The following ADAMTS12 variants were observed in gnomAD, a reference collection of about 807,000 sequenced individuals.
ADAMTS12 encodes the protein ADAM metallopeptidase with thrombospondin type 1 motif 12.
Under a neutral mutation model 167.8 loss-of-function variants are expected in ADAMTS12, and 118 were observed. The ratio of observed to expected loss-of-function variants is 0.70; its 90% CI spans 0.61 to 0.82. ADAMTS12 has a LOEUF of 0.82. Ranked by LOEUF, ADAMTS12 falls within the 40% of genes least tolerant of loss-of-function variation. ADAMTS12 has a pLI of 0.00. For synonymous variants in ADAMTS12, 704 were observed against 716.9 expected (o/e 0.98, Z 0.29); for missense variants, 1,916 against 1,998.8 (o/e 0.96, Z 0.79).
intron 2 of ADAMTS12, among the ~76,000 whole-genome samples, chr5:33,756,154 G>A (rs1428090022): frequency 1.3e-5 from 2 of 152,210 alleles, no homozygotes; most frequent in African/African-American, 4.8e-5. Flanking sequence ...GAACAGCAAA[G>A]CCCAGGGTAA....
chr5:33,633,812 T>C (rs948416917), intron 12 of ADAMTS12, among the ~76,000 whole-genome samples: 3 of 152,184 alleles, frequency 2.0e-5, no homozygotes, highest in African/African-American at 7.2e-5. Flanking sequence ...CCATCATCTC[T>C]ACAGAGTTGA....
intron 2 of ADAMTS12, among the ~76,000 whole-genome samples, chr5:33,808,150 G>C (rs929019502): frequency 6.6e-6 from 1 of 152,156 alleles, no homozygotes; most frequent in African/African-American, 2.4e-5. Context: ...ACTTCTCTTC[G>C]GTGTAGTCAG....
chr5:33,686,755 ACC>A (rs781003276), intron 3 of ADAMTS12, among the ~76,000 whole-genome samples: 25 of 148,618 alleles, frequency 1.7e-4, no homozygotes, highest in African/African-American at 2.2e-4. Context: ...AGATATATAC[ACC>A]TCTCTCTCTA....
At chr5:33,680,095 G>C (rs572037253) in intron 5 of ADAMTS12, among the ~76,000 whole-genome samples, 2 of 152,222 alleles carry the variant, frequency 1.3e-5, no homozygotes, top group Admixed American at 6.5e-5. Flanking sequence ...TGTGAACTCT[G>C]TGCCAATTAG....
intron 16 of ADAMTS12, among the ~76,000 whole-genome samples, chr5:33,602,171 A>G (rs553534068): frequency 9.4e-4 from 143 of 152,314 alleles, no homozygotes; most frequent in African/African-American, 3.3e-3. Flanking sequence ...ATTAAAGAAC[A>G]AAACTAAGGC....
At chr5:33,694,939 G>T (rs1742701211) in intron 3 of ADAMTS12, among the ~76,000 whole-genome samples, 1 of 152,092 alleles carries the variant, frequency 6.6e-6, no homozygotes, top group South Asian at 2.1e-4. Context: ...ACTTCATTGT[G>T]ACTCACATAT....
chr5:33,852,738 C>A (rs920644152), intron 2 of ADAMTS12, among the ~76,000 whole-genome samples: 2 of 152,064 alleles, frequency 1.3e-5, no homozygotes, highest in African/African-American at 4.8e-5. Flanking sequence ...ATAAGCAAAT[C>A]CAGCAACATA....
chr5:33,555,748 C>A (rs920826548), intron 20 of ADAMTS12, among the ~76,000 whole-genome samples: 1 of 152,150 alleles, frequency 6.6e-6, no homozygotes, highest in Non-Finnish European at 1.5e-5. Flanking sequence ...ATACTCTAAG[C>A]CCTAGTTTCC....
At chr5:33,887,004 A>T (rs1324570814) in intron 1 of ADAMTS12, among the ~76,000 whole-genome samples, 1 of 152,086 alleles carries the variant, frequency 6.6e-6, no homozygotes, top group African/African-American at 2.4e-5. Flanking sequence ...CACTGTGGAC[A>T]TAAACATGTG....
intron 6 of ADAMTS12, among the ~76,000 whole-genome samples, chr5:33,660,815 A>G (rs1741231445): frequency 6.6e-6 from 1 of 152,244 alleles, no homozygotes; most frequent in African/African-American, 2.4e-5. Flanking sequence ...GCTTATGTCA[A>G]AAACTTCCTG....
At chr5:33,738,542 A>C (rs1744447190) in intron 3 of ADAMTS12, among the ~76,000 whole-genome samples, 1 of 152,052 alleles carries the variant, frequency 6.6e-6, no homozygotes. Flanking sequence ...CTCTCATGTC[A>C]TGGGTCACCT....
chr5:33,624,156 T>C, intron 14 of ADAMTS12, 75 bp downstream of exon 14: 1 of 1,590,044 alleles, frequency 6.3e-7, no homozygotes, highest in Non-Finnish European at 8.6e-7. Context: ...AAACAAAAAC[T>C]AGGAACCAAT....
Position 33,576,752 on chromosome 5 carries a change from G to A in ADAMTS12, c.3274C>T (p.Leu1092Phe), listed in dbSNP as rs759491941. ...TGAATGCTCAAGGATTGGGAAGTGAGGATGGGCTGGGAAGTGCTTCCAGTG... is the reference window on the plus strand; with the variant it reads ...TGAATGCTCAAGGATTGGGAAGTGAAGATGGGCTGGGAAGTGCTTCCAGTG... ...ISTGSTSQPI[L>F]TSQSLSIQPS... The change falls in exon 19 of 24, where the codon CTC (leucine) becomes TTC (phenylalanine). Residue 1092 changes from leucine (L) to phenylalanine (F), a missense_variant. Leu to Phe is a conservative substitution (Grantham distance 22, BLOSUM62 0). Transcript: ENST00000504830. The A allele has an allele frequency of 6.2e-7, 1 of 1,614,228 alleles. No homozygotes were observed.
intron 2 of ADAMTS12, among the ~76,000 whole-genome samples, chr5:33,877,922 C>G (rs1320635288): frequency 6.6e-6 from 1 of 152,080 alleles, no homozygotes; most frequent in African/African-American, 2.4e-5. Context: ...AGGCTTGCAC[C>G]CCAGGAATGA....
At chr5:33,711,042 C>G (rs1743385247) in intron 3 of ADAMTS12, among the ~76,000 whole-genome samples, 1 of 152,146 alleles carries the variant, frequency 6.6e-6, no homozygotes, top group Non-Finnish European at 1.5e-5. Flanking sequence ...TTCTTCTTCT[C>G]TCTTGCAGTG....
chr5:33,660,991 A>G (rs1048938607), intron 6 of ADAMTS12, among the ~76,000 whole-genome samples: 1 of 152,184 alleles, frequency 6.6e-6, no homozygotes, highest in Admixed American at 6.5e-5. Context: ...TCACAGGGAC[A>G]GATCACAGGG....
At chr5:33,659,558 G>A (rs545607428) in intron 6 of ADAMTS12, among the ~76,000 whole-genome samples, 1 of 152,274 alleles carries the variant, frequency 6.6e-6, no homozygotes, top group South Asian at 2.1e-4. Flanking sequence ...ATTAAATACT[G>A]ATTATAGAGT....
intron 3 of ADAMTS12, among the ~76,000 whole-genome samples, chr5:33,744,317 G>T (rs1207689528): frequency 2.0e-5 from 3 of 152,194 alleles, no homozygotes; most frequent in African/African-American, 7.2e-5. Flanking sequence ...ACGTTTCAGG[G>T]AGAAGGAGTC....
At chr5:33,612,874 T>C (rs778892586) in intron 16 of ADAMTS12, among the ~76,000 whole-genome samples, 5 of 152,234 alleles carry the variant, frequency 3.3e-5, no homozygotes, top group African/African-American at 4.8e-5. Context: ...TTCCAGAGGG[T>C]TAGTTAGCAT....
Sources: gnomAD v4.1 joint callset for allele counts (sites outside exome capture counted in the v4.1 genomes callset) on GRCh38, gnomAD v4.1.1 for gene constraint, MANE v1.5 for transcripts, NCBI Gene and HGNC (gene_info 2026-07-23, HGNC 2026-07-21) for gene names.